The following PHKA1 variants were observed in gnomAD, a reference collection of about 807,000 sequenced individuals.
PHKA1 encodes the protein phosphorylase b kinase regulatory subunit alpha, skeletal muscle isoform.
PHKA1 carries 60 observed loss-of-function variants against 110.2 expected under a neutral mutation model. That is an observed-to-expected ratio of 0.54 (90% CI 0.44 to 0.68). PHKA1 has a LOEUF of 0.68. PHKA1 is among the 30% of genes least tolerant of loss of function. The pLI, the probability that PHKA1 is intolerant of heterozygous loss-of-function variation, is 0.00. For missense variants in PHKA1, 801 were observed against 942.5 expected, an observed-to-expected ratio of 0.85 and a Z score of 1.97; for synonymous variants, 316 against 333.6, an observed-to-expected ratio of 0.95 and a Z score of 0.58.
intron 3 of PHKA1, among the ~76,000 whole-genome samples, chrX:72,699,507 C>CA (rs1171276586): frequency 0.2 from 3,280 of 16,702 alleles, 463 homozygotes; most frequent in East Asian, 0.68. Context: ...GACTCCATCT[C>CA]AAAAAAAAAA....
chrX:72,686,687 T>C (rs2053970703), intron 4 of PHKA1, among the ~76,000 whole-genome samples: 1 of 112,180 alleles, frequency 8.9e-6, no homozygotes, highest in South Asian at 3.7e-4. Context: ...TGTTTTATTA[T>C]GAACACTTTC....
intron 2 of PHKA1, 64 bp downstream of exon 2, chrX:72,712,715 C>T (rs2054401000): frequency 2.8e-6 from 3 of 1,067,000 alleles, no homozygotes; most frequent in Admixed American, 4.5e-5. Flanking sequence ...CTTCAGTCCC[C>T]ACTCTGCCCC....
Position 72,609,935 on chromosome X carries a change from GTT to G in PHKA1, c.2527-234_2527-233del, listed in dbSNP as rs782172623. Among the ~76,000 whole-genome samples, 104 of 110,507 alleles carry G rather than the reference GTT, an allele frequency of 9.4e-4. 3 individuals carry two copies. In the East Asian group the frequency reaches 0.029, roughly 30 times the overall value. On this transcript the variant is annotated intron_variant, in intron 22 of 31. Coordinates refer to ENST00000373542, the MANE Select transcript of PHKA1 (RefSeq NM_002637.4). ...CTTTTTTGTTTGGTTGGTTTATGGGGTTTTTTTCTTTCTTTTTAAAAAATTTG... is the reference window on the plus strand; with the variant it reads ...CTTTTTTGTTTGGTTGGTTTATGGGGTTTTTCTTTCTTTTTAAAAAATTTG...
intron 10 of PHKA1, among the ~76,000 whole-genome samples, chrX:72,654,284 C>T (rs1480856155): frequency 1.8e-5 from 2 of 111,826 alleles, no homozygotes; most frequent in Non-Finnish European, 3.8e-5. Flanking sequence ...CTATTCACAT[C>T]TGTTTTTACT....
intron 17 of PHKA1, 111 bp downstream of exon 17, chrX:72,626,860 G>T: frequency 1.6e-6 from 1 of 623,146 alleles, no homozygotes; most frequent in Non-Finnish European, 2.7e-6. Context: ...GAGTCAAATT[G>T]TAGATAAGGG....
chrX:72,699,096 C>T (rs1470784843), intron 3 of PHKA1, among the ~76,000 whole-genome samples: 5 of 110,731 alleles, frequency 4.5e-5, no homozygotes, highest in African/African-American at 1.6e-4. Context: ...TGTAGGAAAA[C>T]ATTCTTGCTA....
In PHKA1 at chrX:72,580,217, T is replaced by TTC. The variant is rs2052317329; in HGVS notation, c.*783_*784dup. On this transcript the variant is annotated 3_prime_UTR_variant, in exon 32 of 32. Transcript: ENST00000373542. ...GGCTCCGGGCTCCATTTCTGGGTTA[T>TTC]TCTGCATTTTCTGCTGCAAATACAA... 1 of 112,193 alleles carries TTC rather than the reference T, an allele frequency of 8.9e-6. No homozygotes were observed. The highest frequency in any genetic ancestry group is 1.9e-5 in the Non-Finnish European group (1 of 53,295). 9.2% of individuals were successfully genotyped at this position (112,193 alleles called of 1,213,427 possible).
Position 72,578,835 on chromosome X carries a change from C to A in PHKA1, c.*2167G>T, listed in dbSNP as rs1181348894. ...CATGTGAAGTTTTGCACATTGGCACCAGACATGATTTAATTGGAAATTCTT... is the reference window on the plus strand; with the variant it reads ...CATGTGAAGTTTTGCACATTGGCACAAGACATGATTTAATTGGAAATTCTT... On this transcript the variant is annotated 3_prime_UTR_variant, in exon 32 of 32. Transcript: ENST00000373542. The A allele has an allele frequency of 9.0e-6, 1 of 111,311 alleles. No homozygotes were observed. Among genetic ancestry groups the A allele is most frequent in the African/African-American group, 3.3e-5 (1 of 30,684 alleles). The allele number at this position is 111,311 out of a possible 1,213,427, so 9.2% of individuals were successfully genotyped here. A position where few individuals can be genotyped will look rare whatever the true frequency, so the allele number is the denominator to read the frequency against.
intron 5 of PHKA1, among the ~76,000 whole-genome samples, chrX:72,680,753 G>A (rs1421288829): frequency 1.6e-4 from 15 of 94,308 alleles, no homozygotes; most frequent in Non-Finnish European, 2.5e-4. Flanking sequence ...CGCAGCCGCC[G>A]CCGCCCGACC....
chrX:72,663,586 G>A (rs1433716183), intron 8 of PHKA1, among the ~76,000 whole-genome samples: 1 of 110,961 alleles, frequency 9.0e-6, no homozygotes, highest in Admixed American at 9.6e-5. Flanking sequence ...TAGTCAAAAT[G>A]TCAAAAGTCA....
chrX:72,687,520 A>G (rs1332961049), intron 4 of PHKA1, among the ~76,000 whole-genome samples: 3 of 110,892 alleles, frequency 2.7e-5, no homozygotes, highest in African/African-American at 9.9e-5. Flanking sequence ...ATCTCCATTC[A>G]TATGGCCTTC....
chrX:72,580,614 A>C lies in PHKA1; in HGVS notation c.*388T>G. On this transcript the variant is annotated 3_prime_UTR_variant, in exon 32 of 32. Coordinates refer to ENST00000373542, the MANE Select transcript of PHKA1 (RefSeq NM_002637.4). ...TCATATACACAATAAAATCACAAAA[A>C]AGAAAAACCAAGCTTTAGGAATAAG... 4.9e-6 allele frequency: 1 copy of C among 204,708 alleles called. No homozygotes were observed. 16.9% of individuals were successfully genotyped at this position (204,708 alleles called of 1,213,427 possible).
Position 72,712,832 on chromosome X carries a change from G to C in PHKA1, c.184C>G (p.Arg62Gly), listed in dbSNP as rs781996165. 2.5e-6 allele frequency: 3 copies of C among 1,206,975 alleles called. No individual in the cohort carries two copies. Among genetic ancestry groups the C allele is most frequent in the East Asian group, 3.0e-5 (1 of 33,738 alleles). The change falls in exon 2 of 32, where the codon CGG becomes GGG. Residue 62 changes from arginine (R) to glycine (G), a missense_variant. This residue lies in a region of PHKA1 where 299 missense variants were observed against 423.3 expected (regional missense o/e 0.71). Transcript: ENST00000373542. ...TCCTCATCCCGGTCTGCATTCTTCCGATAGGCCAGGCCCAAACCCCACACA... is the reference window on the plus strand; with the variant it reads ...TCCTCATCCCGGTCTGCATTCTTCCCATAGGCCAGGCCCAAACCCCACACA... ...LAVWGLGLAY[R>G]KNADRDEDKA...
intron 16 of PHKA1, among the ~76,000 whole-genome samples, chrX:72,634,864 C>T (rs782089127): frequency 8.9e-6 from 1 of 112,044 alleles, no homozygotes; most frequent in Non-Finnish European, 1.9e-5. Flanking sequence ...TATCTGAAAA[C>T]TATTCAATTA....
chrX:72,682,227 G>C (rs1283405388), intron 5 of PHKA1, among the ~76,000 whole-genome samples: 1 of 91,630 alleles, frequency 1.1e-5, no homozygotes, highest in African/African-American at 3.9e-5. Context: ...CGCCCCGTCC[G>C]GGAGGGAGGT....
chrX:72,631,464 A>C (rs929304650), intron 16 of PHKA1, among the ~76,000 whole-genome samples: 7 of 110,852 alleles, frequency 6.3e-5, no homozygotes, highest in African/African-American at 2.3e-4. Context: ...TAGAGTCCCC[A>C]CTCAGTCTCT....
Position 72,610,897 on chromosome X carries a change from T to C in PHKA1, c.2526+131A>G, listed in dbSNP as rs1556259223. 23 of 480,008 alleles carry C rather than the reference T, an allele frequency of 4.8e-5. No individual in the cohort carries two copies. In the South Asian group the frequency reaches 7.6e-4, roughly 16 times the overall value. 39.6% of individuals were successfully genotyped at this position (480,008 alleles called of 1,213,427 possible). A position where few individuals can be genotyped will look rare whatever the true frequency, so the allele number is the denominator to read the frequency against. On this transcript the variant is annotated intron_variant, in intron 22 of 31. Coordinates refer to ENST00000373542, the MANE Select transcript of PHKA1 (RefSeq NM_002637.4). ...TCATTCACAAACTAAAAGAACTGAA[T>C]ATCAAATTTTATGTGGAAAAGACAT...
chrX:72,582,463 T>C lies in PHKA1; in HGVS notation c.3433A>G (p.Ile1145Val), dbSNP rs1300261600. 6 of 1,205,265 alleles carry C rather than the reference T, an allele frequency of 5.0e-6. No individual in the cohort carries two copies. The African/African-American group carries it at 5.3e-5, about 11-fold the overall frequency. ...TTTTCCACAGCAATGATGCTTCCGA[T>C]GCTATGAATTTCAATATCTGCCAGC... ...TMLADIEIHS[I>V]GSIIAVEKIV... is the part of the protein sequence containing the mutation. The change falls in exon 31 of 32, where the codon ATC (isoleucine) becomes GTC (valine). Residue 1145 changes from isoleucine (I) to valine (V), a missense_variant. By Grantham distance (29) the Ile-to-Val change is conservative (BLOSUM62 3). Around this residue, in one of 2 missense-constraint regions of PHKA1, gnomAD observed 502 missense variants for 519.2 expected, o/e 0.97. Transcript: ENST00000373542.
chrX:72,619,321 A>G lies in PHKA1; in HGVS notation c.2138-16T>C, dbSNP rs781797708. 1.1e-5 allele frequency: 11 copies of G among 1,017,381 alleles called. No homozygotes were observed. The East Asian group carries it at 2.8e-4, about 26-fold the overall frequency. 83.8% of individuals were successfully genotyped at this position (1,017,381 alleles called of 1,213,427 possible). A position where few individuals can be genotyped will look rare whatever the true frequency, so the allele number is the denominator to read the frequency against. On this transcript the variant is annotated splice_polypyrimidine_tract_variant and intron_variant, in intron 19 of 31. Transcript: ENST00000373542. ...ATGTGAACATCTGCAAAAATATGAC[A>G]TTTATGGGAAATATTAGGTAATTAG... is the stretch of plus-strand genomic sequence containing the variant.
Sources: allele counts gnomAD v4.1 joint callset (sites outside exome capture counted in the v4.1 genomes callset), GRCh38; gene constraint gnomAD v4.1.1; regional missense constraint gnomAD v4.1.1; transcripts MANE v1.5; gene names NCBI Gene and HGNC (gene_info 2026-07-23, HGNC 2026-07-21).